IL1RAPL2: variants seen among roughly 807,000 people sequenced by gnomAD.
IL1RAPL2 encodes the protein X-linked interleukin-1 receptor accessory protein-like 2.
In IL1RAPL2, 3 loss-of-function variants were observed where a neutral mutation model predicts 44.1. That is an observed-to-expected ratio of 0.07 (90% confidence interval 0.03 to 0.18). IL1RAPL2 has a LOEUF of 0.18. Among genes scored for constraint, IL1RAPL2 ranks in the 10% least tolerant of loss-of-function variants. The probability of loss-of-function intolerance (pLI) is 1.00; values close to 1 mark genes in which losing one functional copy is unlikely to be tolerated. For missense variants in IL1RAPL2, 391 were observed against 496.4 expected, an observed-to-expected ratio of 0.79 and a Z score of 2.02; for synonymous variants, 181 against 178.8, an observed-to-expected ratio of 1.01 and a Z score of -0.10.
chrX:105,438,694 G>A (rs973576244), intron 5 of IL1RAPL2, among the ~76,000 whole-genome samples: 2 of 110,428 alleles, frequency 1.8e-5, no homozygotes, highest in African/African-American at 6.6e-5. Context: ...CTTCAGAGTG[G>A]CAAGATTACA....
At position 104,823,348 on chromosome X, in the gene IL1RAPL2, T is replaced by C. The variant is rs757690222; in HGVS notation, c.82+164353T>C. Among the ~76,000 whole-genome samples the C allele has an allele frequency of 1.4e-3, 159 of 110,468 alleles. 1 individual carries two copies. Among genetic ancestry groups the C allele is most frequent in the African/African-American group, 4.8e-3 (147 of 30,372 alleles). On this transcript the variant is annotated intron_variant, in intron 2 of 10. Transcript: ENST00000372582. Reference sequence around the variant, plus strand: ...CCCACCTATGAGTGACAATATGCGGTGTTTGGTTTTTTGTTCTTGTGATAG... The same window carrying C: ...CCCACCTATGAGTGACAATATGCGGCGTTTGGTTTTTTGTTCTTGTGATAG...
intron 6 of IL1RAPL2, among the ~76,000 whole-genome samples, chrX:105,700,596 C>G (rs971740932): frequency 2.7e-5 from 3 of 111,099 alleles, no homozygotes; most frequent in African/African-American, 9.8e-5. Flanking sequence ...AACAAAACAT[C>G]CTAGGTTGTG....
At chrX:105,029,194 C>CT (rs921896891) in intron 2 of IL1RAPL2, among the ~76,000 whole-genome samples, 21 of 95,152 alleles carry the variant, frequency 2.2e-4, no homozygotes, top group Middle Eastern at 5.1e-3. Flanking sequence ...TGTTAAGAGT[C>CT]TTTTTTTTTT....
At position 105,478,251 on chromosome X, in the gene IL1RAPL2, A is replaced by C. The variant is rs1024016954; in HGVS notation, c.698-6062A>C. On this transcript the variant is annotated intron_variant, in intron 5 of 10. Coordinates refer to ENST00000372582, the MANE Select transcript of IL1RAPL2 (RefSeq NM_017416.2). Reference sequence around the variant, plus strand: ...ATCTTGAGACATTTCTAGTTTCACAACTGGGGGAAGGTCCTACTGGCATCT... The same window carrying C: ...ATCTTGAGACATTTCTAGTTTCACACCTGGGGGAAGGTCCTACTGGCATCT... Among the ~76,000 whole-genome samples the C allele has an allele frequency of 2.7e-5, 3 of 111,328 alleles. No individual in the cohort carries two copies. The East Asian group carries it at 8.5e-4, about 31-fold the overall frequency.
At chrX:105,407,281 G>C (rs1287149584) in intron 5 of IL1RAPL2, among the ~76,000 whole-genome samples, 1 of 110,773 alleles carries the variant, frequency 9.0e-6, no homozygotes, top group Non-Finnish European at 1.9e-5. Context: ...AGGGAAACTA[G>C]ATATTGCTGC....
chrX:105,513,804 T>C (rs763287507), intron 6 of IL1RAPL2, among the ~76,000 whole-genome samples: 1 of 108,824 alleles, frequency 9.2e-6, no homozygotes, highest in African/African-American at 3.6e-5. Context: ...TTGGCTTTTG[T>C]TGTCATTGCT....
chrX:105,169,199 A>G (rs940790447), intron 2 of IL1RAPL2, among the ~76,000 whole-genome samples: 1 of 110,731 alleles, frequency 9.0e-6, no homozygotes, highest in African/African-American at 3.3e-5. Context: ...TGGGCCAAAT[A>G]CTCCTTTCCT....
At chrX:104,678,671 C>T (rs1004910714) in intron 2 of IL1RAPL2, among the ~76,000 whole-genome samples, 1 of 112,011 alleles carries the variant, frequency 8.9e-6, no homozygotes, top group South Asian at 3.7e-4. Flanking sequence ...CACCTAACTA[C>T]AACTTGGCCA....
At chrX:104,788,478 TTATATGCAAAGTATTAATCAAC>T (rs1349088878) in intron 2 of IL1RAPL2, among the ~76,000 whole-genome samples, 1 of 112,276 alleles carries the variant, frequency 8.9e-6, no homozygotes, top group Admixed American at 9.5e-5. Flanking sequence ...TCAGCGTCAA[TTATATGCAAAGTATTAATCAAC>T]TATATGCAAA....
At chrX:104,634,250 T>A (rs1417247781) in intron 1 of IL1RAPL2, among the ~76,000 whole-genome samples, 1 of 111,190 alleles carries the variant, frequency 9.0e-6, no homozygotes, top group Non-Finnish European at 1.9e-5. Flanking sequence ...TGCTGAGGAG[T>A]GGTTTACTTC....
In IL1RAPL2 at chrX:105,548,907, C is replaced by A. The variant is rs138659183; in HGVS notation, c.772+64520C>A. Among the ~76,000 whole-genome samples, 49 of 112,219 alleles carry A rather than the reference C, an allele frequency of 4.4e-4. 1 individual carries two copies. In the East Asian group the frequency reaches 0.013, roughly 31 times the overall value. The stretch of plus-strand genomic sequence containing the variant: ...CGTCTCTTCACCTTATTGTATCATT[C>A]TTTTCCAAATATATTCTAAACATAT... On this transcript the variant is annotated intron_variant, in intron 6 of 10. Transcript: ENST00000372582.
intron 10 of IL1RAPL2, among the ~76,000 whole-genome samples, 192 bp from the exon 11 acceptor site, chrX:105,766,772 G>A (rs2038733755): frequency 9.8e-6 from 1 of 102,498 alleles, no homozygotes; most frequent in Admixed American, 1.0e-4. Flanking sequence ...AATGGTGAGG[G>A]AAAAGAAAAT....
At chrX:105,583,933 A>C (rs1279343039) in intron 6 of IL1RAPL2, among the ~76,000 whole-genome samples, 1 of 111,647 alleles carries the variant, frequency 9.0e-6, no homozygotes, top group African/African-American at 3.3e-5. Flanking sequence ...CATGTTTTTC[A>C]TTTTAATTCA....
intron 2 of IL1RAPL2, among the ~76,000 whole-genome samples, chrX:104,822,183 T>A (rs749693935): frequency 8.9e-6 from 1 of 111,912 alleles, no homozygotes; most frequent in Non-Finnish European, 1.9e-5. Context: ...AAAAATTTTC[T>A]CCCATTCTGT....
intron 2 of IL1RAPL2, among the ~76,000 whole-genome samples, chrX:105,136,244 A>C (rs935440983): frequency 8.9e-6 from 1 of 111,804 alleles, no homozygotes; most frequent in African/African-American, 3.2e-5. Flanking sequence ...GATCCAGCTG[A>C]CTTCAGAATA....
intron 5 of IL1RAPL2, among the ~76,000 whole-genome samples, chrX:105,363,821 T>G (rs991793493): frequency 9.0e-6 from 1 of 111,243 alleles, no homozygotes; most frequent in African/African-American, 3.3e-5. Flanking sequence ...ATTGAGTTAT[T>G]TGGGTTCCTT....
intron 2 of IL1RAPL2, among the ~76,000 whole-genome samples, chrX:104,680,924 C>A (rs1930880886): frequency 8.9e-6 from 1 of 111,971 alleles, no homozygotes; most frequent in African/African-American, 3.2e-5. Flanking sequence ...ACTTTGAAAC[C>A]AATTTAACAC....
chrX:104,831,283 C>G (rs1373779973), intron 2 of IL1RAPL2, among the ~76,000 whole-genome samples: 4 of 111,214 alleles, frequency 3.6e-5, no homozygotes, highest in African/African-American at 1.3e-4. Flanking sequence ...ATTTAAATCA[C>G]TAAATTTAAA....
intron 5 of IL1RAPL2, among the ~76,000 whole-genome samples, chrX:105,376,485 G>A (rs893572984): frequency 9.0e-6 from 1 of 111,711 alleles, no homozygotes; most frequent in Non-Finnish European, 1.9e-5. Context: ...CTGAAAAATG[G>A]CAGCTACCTT....
Sources: allele counts gnomAD v4.1 joint callset (sites outside exome capture counted in the v4.1 genomes callset), GRCh38; gene constraint gnomAD v4.1.1; transcripts MANE v1.5; gene names NCBI Gene and HGNC (gene_info 2026-07-23, HGNC 2026-07-21).